The following EML6 variants were observed in gnomAD, a reference collection of about 807,000 sequenced individuals.
EML6 encodes the protein echinoderm microtubule-associated protein-like 6.
A neutral mutation model predicts 240.1 loss-of-function variants in EML6; 154 were observed. The ratio of observed to expected loss-of-function variants is 0.64; its 90% confidence interval spans 0.56 to 0.73. The LOEUF is 0.73. Ranked by LOEUF, EML6 falls within the 30% of genes least tolerant of loss-of-function variation. The pLI is 0.00. For missense variants in EML6, 2,964 were observed against 2,474.6 expected (o/e 1.20, Z -4.20); for synonymous variants, 1,148 against 899.0 (o/e 1.28, Z -4.95).
chr2:54,849,575 A>G (rs567490285), intron 9 of EML6, among the ~76,000 whole-genome samples: 6 of 152,190 alleles, frequency 3.9e-5, no homozygotes, highest in South Asian at 2.1e-4. Context: ...TGCAAACTCT[A>G]CCTCCCAGGT....
At chr2:54,869,456 G>C in intron 15 of EML6, 89 bp downstream of exon 15, 1 of 1,011,986 alleles carries the variant, frequency 9.9e-7, no homozygotes, top group Non-Finnish European at 1.4e-6. Flanking sequence ...AGAAATGCTT[G>C]GTAGAAATAA....
intron 7 of EML6, among the ~76,000 whole-genome samples, chr2:54,830,252 C>T (rs924005065): frequency 2.6e-5 from 4 of 152,072 alleles, no homozygotes; most frequent in Non-Finnish European, 5.9e-5. Flanking sequence ...ATAGGTAAGA[C>T]AAGAGGAAGT....
Position 54,961,184 on chromosome 2 carries a change from G to GTTGTTTTT in EML6, c.4968+852_4968+853insGTTTTTTT. Among the ~76,000 whole-genome samples, 287 of 55,392 alleles carry GTTGTTTTT rather than the reference G, an allele frequency of 5.2e-3. 104 individuals carry two copies. The highest frequency in any genetic ancestry group is 8.7e-3 in the African/African-American group (107 of 12,368). 36.3% of individuals were successfully genotyped at this position (55,392 alleles called of 152,430 possible). ...GGAGCCTGGAAGTTATCAGGAAGTA[G>GTTGTTTTT]TTTTTTTTTTTTTTTTTTTGAGACG... is the stretch of plus-strand genomic sequence containing the variant. On this transcript the variant is annotated intron_variant, in intron 35 of 41. Coordinates refer to ENST00000356458, the MANE Select transcript of EML6 (RefSeq NM_001039753.4).
At chr2:54,850,671 A>G (rs1204579262) in intron 10 of EML6, among the ~76,000 whole-genome samples, 1 of 152,194 alleles carries the variant, frequency 6.6e-6, no homozygotes, top group Non-Finnish European at 1.5e-5. Context: ...GTAAAGTACC[A>G]TTTTACACTA....
chr2:54,855,184 A>C (rs1038230799), intron 11 of EML6, among the ~76,000 whole-genome samples: 1 of 152,222 alleles, frequency 6.6e-6, no homozygotes, highest in African/African-American at 2.4e-5. Context: ...TAATTGGCTC[A>C]CGGTTTTGTA....
intron 16 of EML6, among the ~76,000 whole-genome samples, chr2:54,876,222 G>A (rs947851753): frequency 6.6e-6 from 1 of 152,254 alleles, no homozygotes; most frequent in East Asian, 1.9e-4. Flanking sequence ...TAAGACCACG[G>A]CTTACAGGGA....
intron 17 of EML6, among the ~76,000 whole-genome samples, chr2:54,885,473 G>A (rs1212501097): frequency 6.6e-6 from 1 of 151,872 alleles, no homozygotes; most frequent in African/African-American, 2.4e-5. Context: ...TTTTTTGGAT[G>A]CTTAATGTTT....
At chr2:54,954,921 C>G (rs532786632) in intron 32 of EML6, among the ~76,000 whole-genome samples, 2 of 152,222 alleles carry the variant, frequency 1.3e-5, no homozygotes, top group Non-Finnish European at 2.9e-5. Flanking sequence ...AGAGGTGTCA[C>G]TTCTCCCATC....
chr2:54,728,025 T>C (rs1682986921), intron 2 of EML6, among the ~76,000 whole-genome samples: 2 of 152,254 alleles, frequency 1.3e-5, no homozygotes, highest in African/African-American at 4.8e-5. Context: ...ATGTGAGGCA[T>C]AATATAATTT....
chr2:54,966,935 G>T, intron 38 of EML6, 65 bp from the exon 39 acceptor site: 2 of 1,047,598 alleles, frequency 1.9e-6, no homozygotes, highest in Non-Finnish European at 2.9e-6. Flanking sequence ...GGGAAACTGT[G>T]CCCAAAGGGA....
intron 28 of EML6, among the ~76,000 whole-genome samples, chr2:54,936,349 C>T (rs916627808): frequency 1.3e-5 from 2 of 152,124 alleles, no homozygotes; most frequent in Non-Finnish European, 2.9e-5. Flanking sequence ...TCTGGTGGAG[C>T]CATGGTTAGT....
intron 3 of EML6, among the ~76,000 whole-genome samples, chr2:54,815,179 A>G (rs1188924705): frequency 6.6e-6 from 1 of 152,116 alleles, no homozygotes; most frequent in African/African-American, 2.4e-5. Flanking sequence ...GTCCATGTTA[A>G]TTTATGTTAG....
At position 54,773,956 on chromosome 2, in the gene EML6, T is replaced by C. The variant is rs570606300; in HGVS notation, c.198-39276T>C. ...ATGACTGGCACAGGGCCTCCTTTTT[T>C]CTTGTTCCTTTGCTGTCCTCAAGAA... On this transcript the variant is annotated intron_variant, in intron 2 of 41. Coordinates refer to ENST00000356458, the MANE Select transcript of EML6 (RefSeq NM_001039753.4). Among the ~76,000 whole-genome samples, 166 of 152,322 alleles carry C rather than the reference T, an allele frequency of 1.1e-3. 1 individual carries two copies. The highest frequency in any genetic ancestry group is 3.8e-3 in the African/African-American group (156 of 41,568).
chr2:54,895,370 T>C lies in EML6; in HGVS notation c.2952T>C (p.Asp984=). ...GTKNGEILEI[D]KSGPMTLLVQ... ...AAAATGGAGAGATTCTGGAAATTGA[T>C]AAGAGTGGCCCAATGACACTGCTTG... Residue 984 remains aspartate (D), a synonymous_variant, in exon 21 of 42, where the codon GAT becomes GAC. Coordinates refer to ENST00000356458, the MANE Select transcript of EML6 (RefSeq NM_001039753.4). 5 of 1,552,054 alleles carry C rather than the reference T, an allele frequency of 3.2e-6. No homozygotes were observed. The highest frequency in any genetic ancestry group is 4.4e-6 in the Non-Finnish European group (5 of 1,146,994).
At chr2:54,797,175 A>AAAAAAAAAAAAAAAC (rs1572911791) in intron 2 of EML6, among the ~76,000 whole-genome samples, 1 of 141,694 alleles carries the variant, frequency 7.1e-6, no homozygotes, top group East Asian at 2.0e-4. Flanking sequence ...AAAAAAAAAA[A>AAAAAAAAAAAAAAAC]AAAAAAAAAA....
rs560367140 is a variant in EML6 at position 54,839,613 on chromosome 2, G to A, written c.848-4434G>A. ...CCAGAAATAATCCTTGCTAAGCTCC[G>A]CCTTTACGTTGGTTAGTTCAGTGGA... On this transcript the variant is annotated intron_variant, in intron 7 of 41. Coordinates refer to ENST00000356458, the MANE Select transcript of EML6 (RefSeq NM_001039753.4). 9.8e-5 allele frequency among the ~76,000 whole-genome samples: 15 copies of A among 152,320 alleles called. No homozygotes were observed. In the South Asian group the frequency reaches 2.3e-3, roughly 23 times the overall value.
At chr2:54,862,734 G>A (rs905194044) in intron 12 of EML6, among the ~76,000 whole-genome samples, 1 of 152,176 alleles carries the variant, frequency 6.6e-6, no homozygotes, top group Admixed American at 6.6e-5. Flanking sequence ...ATGATCAAAA[G>A]TTAAAGGCAG....
intron 8 of EML6, among the ~76,000 whole-genome samples, chr2:54,846,275 C>T (rs1366388597): frequency 6.6e-6 from 1 of 151,990 alleles, no homozygotes; most frequent in East Asian, 1.9e-4. Context: ...CTAGGAAGGC[C>T]AACAAATGTA....
Position 54,844,238 on chromosome 2 carries a change from C to G in EML6, c.1039C>G (p.Arg347Gly). ...KPLAVTGSDD[R>G]SVRLWSLADH... is the part of the protein sequence containing the mutation. ...TCTGGCTGTGACAGGCAGCGATGAC[C>G]GCTCTGTCAGGTGAGGCCCTACCGC... The change falls in exon 8 of 42, where the codon CGC becomes GGC. Residue 347 changes from arginine to glycine, a missense_variant. Arg to Gly is a moderately radical substitution (Grantham distance 125, BLOSUM62 -2). Coordinates refer to ENST00000356458, the MANE Select transcript of EML6 (RefSeq NM_001039753.4). 3 of 1,551,506 alleles carry G rather than the reference C, an allele frequency of 1.9e-6. No individual in the cohort carries two copies. Among genetic ancestry groups the G allele is most frequent in the Non-Finnish European group, 2.6e-6 (3 of 1,146,850 alleles).
Sources: gnomAD v4.1 joint callset for allele counts (sites outside exome capture counted in the v4.1 genomes callset) on GRCh38, gnomAD v4.1.1 for gene constraint, MANE v1.5 for transcripts, NCBI Gene and HGNC (gene_info 2026-07-23, HGNC 2026-07-21) for gene names.